DIAPH2: variants seen among roughly 807,000 people sequenced by gnomAD.
The protein encoded by DIAPH2 is diaphanous related formin 2.
In DIAPH2, 35 loss-of-function variants were observed where a neutral mutation model predicts 92.7. The observed-to-expected ratio is 0.38, with a 90% CI of 0.29 to 0.50. DIAPH2 has a LOEUF of 0.50. DIAPH2 is among the 20% of genes least tolerant of loss of function. The probability of loss-of-function intolerance (pLI) is 0.94; values close to 1 mark genes in which losing one functional copy is unlikely to be tolerated. For synonymous variants in DIAPH2, 301 were observed against 280.4 expected (o/e 1.07, Z -0.73); for missense variants, 701 against 819.5 (o/e 0.86, Z 1.77).
At chrX:97,394,180 C>G (rs1004088577) in intron 25 of DIAPH2, among the ~76,000 whole-genome samples, 2 of 111,750 alleles carry the variant, frequency 1.8e-5, no homozygotes, top group Non-Finnish European at 3.8e-5. Flanking sequence ...GATTAGAAAA[C>G]TCACAAATAA....
chrX:97,263,983 A>G (rs931782268), intron 23 of DIAPH2, among the ~76,000 whole-genome samples: 1 of 108,200 alleles, frequency 9.2e-6, no homozygotes, highest in Non-Finnish European at 1.9e-5. Flanking sequence ...GTGCAATGGT[A>G]TGATCACAGC....
chrX:96,806,375 G>C (rs752913608), intron 4 of DIAPH2, among the ~76,000 whole-genome samples: 1 of 110,770 alleles, frequency 9.0e-6, no homozygotes, highest in South Asian at 3.8e-4. Context: ...AGTCGGGTGT[G>C]GTGGCTCATG....
At chrX:96,884,145 G>A (rs1015365281) in intron 5 of DIAPH2, 18 of 444,781 alleles carry the variant, frequency 4.0e-5, no homozygotes, top group African/African-American at 1.2e-4. Context: ...CACAGGTAGC[G>A]TGACGCTTGT....
chrX:97,254,490 C>T (rs1301568542), intron 23 of DIAPH2, among the ~76,000 whole-genome samples: 18 of 70,687 alleles, frequency 2.5e-4, no homozygotes, highest in African/African-American at 1.1e-3. Context: ...AAAACTCTGT[C>T]TCAAAAAAAA....
At chrX:97,214,766 G>A (rs2067869091) in intron 22 of DIAPH2, among the ~76,000 whole-genome samples, 1 of 105,406 alleles carries the variant, frequency 9.5e-6, no homozygotes, top group Admixed American at 1.1e-4. Flanking sequence ...AGGAAGCGGA[G>A]GTTGGGGTAA....
At chrX:97,192,105 C>T (rs1468970946) in intron 22 of DIAPH2, among the ~76,000 whole-genome samples, 1 of 110,039 alleles carries the variant, frequency 9.1e-6, no homozygotes. Context: ...GCCTGGCCAA[C>T]ATAGTGAAAC....
chrX:96,944,089 A>G (rs2065723188), intron 13 of DIAPH2, among the ~76,000 whole-genome samples: 2 of 112,109 alleles, frequency 1.8e-5, no homozygotes, highest in Non-Finnish European at 3.8e-5. Flanking sequence ...AAGAACTTCT[A>G]GGAAACCCAT....
chrX:96,807,944 C>CAAAAAAAAAAAAAAAAA lies in DIAPH2; in HGVS notation c.447+49709_447+49725dup, dbSNP rs541681495. 2.8e-4 allele frequency among the ~76,000 whole-genome samples: 4 copies of CAAAAAAAAAAAAAAAAA among 14,490 alleles called. 1 individual carries two copies. The highest frequency in any genetic ancestry group is 4.8e-4 in the Non-Finnish European group (4 of 8,260). 12.6% of individuals were successfully genotyped at this position (14,490 alleles called of 115,157 possible). On this transcript the variant is annotated intron_variant, in intron 4 of 26. Coordinates refer to ENST00000324765, the MANE Select transcript of DIAPH2 (RefSeq NM_006729.5). ...GTGAGATTTGGTATTGTAGAAATAG[C>CAAAAAAAAAAAAAAAAA]AAAAAAAAAAAAAAAAAAAAAAAAA...
At chrX:97,119,884 C>G (rs1041753564) in intron 21 of DIAPH2, among the ~76,000 whole-genome samples, 1 of 111,879 alleles carries the variant, frequency 8.9e-6, no homozygotes, top group Non-Finnish European at 1.9e-5. Flanking sequence ...GCTGGCCCCA[C>G]TCCCACCATG....
intron 17 of DIAPH2, among the ~76,000 whole-genome samples, chrX:96,991,407 C>T (rs140346876): frequency 0.017 from 1,883 of 110,497 alleles, 39 homozygotes; most frequent in African/African-American, 0.058. Context: ...CATGAGCCAC[C>T]GTGCCTGGCC....
chrX:96,749,145 A>AAAAAATATATATATATAT (rs1252042191), intron 3 of DIAPH2, among the ~76,000 whole-genome samples: 2 of 79,825 alleles, frequency 2.5e-5, no homozygotes, highest in African/African-American at 1.0e-4. Context: ...AAAAAAAAAA[A>AAAAAATATATATATATAT]ATATATATAT....
In DIAPH2 at chrX:97,115,491, A is replaced by G. The variant is rs56742656; in HGVS notation, c.2589+526A>G. ...GCGGGGGTTGGAGTGAGCCGAGATC[A>G]TGCCACTGTACTCCAGCCTAAGCAA... On this transcript the variant is annotated intron_variant, in intron 21 of 26. Transcript: ENST00000324765. Among the ~76,000 whole-genome samples the G allele has an allele frequency of 7.4e-3, 827 of 111,203 alleles. 9 individuals carry two copies. The highest frequency in any genetic ancestry group is 0.025 in the African/African-American group (779 of 30,574).
chrX:96,930,946 G>C, intron 10 of DIAPH2, 103 bp downstream of exon 10: 1 of 892,209 alleles, frequency 1.1e-6, no homozygotes, highest in Non-Finnish European at 1.5e-6. Flanking sequence ...TTGCTATTTT[G>C]TTTTGTAAAG....
intron 4 of DIAPH2, among the ~76,000 whole-genome samples, chrX:96,823,817 T>A (rs976102374): frequency 1.1e-4 from 12 of 110,414 alleles, no homozygotes; most frequent in African/African-American, 3.9e-4. Context: ...AAATATATTT[T>A]CTGTTTTTTC....
intron 22 of DIAPH2, among the ~76,000 whole-genome samples, chrX:97,149,600 G>A (rs1027921656): frequency 6.5e-5 from 7 of 108,026 alleles, no homozygotes; most frequent in Non-Finnish European, 1.3e-4. Flanking sequence ...GCGTGGTCGC[G>A]GGCACCTGTA....
chrX:96,900,904 G>A (rs886840968), intron 5 of DIAPH2, among the ~76,000 whole-genome samples: 1 of 111,612 alleles, frequency 9.0e-6, no homozygotes, highest in African/African-American at 3.3e-5. Context: ...TGTTCACCAG[G>A]GATATTGGTC....
At chrX:97,406,322 T>C (rs2069809672) in intron 25 of DIAPH2, among the ~76,000 whole-genome samples, 1 of 111,872 alleles carries the variant, frequency 8.9e-6, no homozygotes, top group Admixed American at 9.5e-5. Flanking sequence ...GACATCTTCC[T>C]CACTTTACTA....
intron 23 of DIAPH2, among the ~76,000 whole-genome samples, chrX:97,310,599 A>G (rs1212899171): frequency 1.8e-5 from 2 of 111,754 alleles, no homozygotes; most frequent in Non-Finnish European, 3.8e-5. Flanking sequence ...AGGAAAAGTA[A>G]AAGTAGTGAG....
intron 26 of DIAPH2, among the ~76,000 whole-genome samples, chrX:97,569,898 C>A (rs1342865925): frequency 9.5e-6 from 1 of 104,910 alleles, no homozygotes; most frequent in African/African-American, 3.4e-5. Context: ...AGTTTCATAT[C>A]TTTGTTGTGT....
Sources: allele counts gnomAD v4.1 joint callset (sites outside exome capture counted in the v4.1 genomes callset), GRCh38; gene constraint gnomAD v4.1.1; transcripts MANE v1.5; gene names NCBI Gene and HGNC (gene_info 2026-07-23, HGNC 2026-07-21).